Variants in LOC122539214 observed in about 807,000 individuals in gnomAD.
At chr19:52,687,920 A>C in the LOC122539214 span, among the ~76,000 whole-genome samples, 1 of 151,772 alleles carries the variant, frequency 6.6e-6, no homozygotes, top group Admixed American at 6.6e-5. Flanking sequence ...CCCTGGGAAA[A>C]GGGAAGAGAG....
At chr19:52,676,729 T>G in the LOC122539214 span, among the ~76,000 whole-genome samples, 9,540 of 138,334 alleles carry the variant, frequency 0.069, 1,032 homozygotes, top group African/African-American at 0.23. Context: ...ATGGTTGCCG[T>G]GTCTGTGTAG....
At chr19:52,654,074 C>T in the LOC122539214 span, 5 of 1,597,308 alleles carry the variant, frequency 3.1e-6, no homozygotes, top group Non-Finnish European at 3.4e-6. Flanking sequence ...TCAATTTTCC[C>T]TTCAGTCTGA....
the LOC122539214 span, among the ~76,000 whole-genome samples, chr19:52,689,453 T>G: frequency 1.3e-5 from 2 of 152,022 alleles, no homozygotes; most frequent in East Asian, 3.9e-4. Context: ...TCTCCCTCTG[T>G]TCTCCTTGCC....
At chr19:52,656,909 T>A in the LOC122539214 span, among the ~76,000 whole-genome samples, 1 of 150,586 alleles carries the variant, frequency 6.6e-6, no homozygotes, top group Non-Finnish European at 1.5e-5. Context: ...CCATTAATGC[T>A]CTCCTGGACA....
the LOC122539214 span, among the ~76,000 whole-genome samples, chr19:52,673,533 CAG>C: frequency 2.0e-5 from 3 of 151,736 alleles, no homozygotes; most frequent in African/African-American, 7.3e-5. Context: ...ATGCTATAAA[CAG>C]AACATCAGAA....
At chr19:52,685,112 T>C in the LOC122539214 span, among the ~76,000 whole-genome samples, 1 of 152,188 alleles carries the variant, frequency 6.6e-6, no homozygotes, top group African/African-American at 2.4e-5. Flanking sequence ...AAAATTCTAG[T>C]TACAACTGGG....
the LOC122539214 span, chr19:52,655,437 A>C: frequency 1.1e-6 from 1 of 928,108 alleles, no homozygotes; most frequent in Non-Finnish European, 1.7e-6. Flanking sequence ...TCATCACTGC[A>C]GAAAACAATG....
the LOC122539214 span, among the ~76,000 whole-genome samples, chr19:52,679,376 C>T: frequency 0.029 from 4,419 of 152,162 alleles, 202 homozygotes; most frequent in African/African-American, 0.1. Context: ...TTTGGGAAGC[C>T]AAGGTGGGTG....
At chr19:52,653,951 A>C in the LOC122539214 span, 1 of 1,220,388 alleles carries the variant, frequency 8.2e-7, no homozygotes, top group Non-Finnish European at 1.2e-6. Context: ...AATAATGAAG[A>C]ATGGAGAAAG....
At chr19:52,681,411 A>C in the LOC122539214 span, among the ~76,000 whole-genome samples, 1 of 152,164 alleles carries the variant, frequency 6.6e-6, no homozygotes, top group Non-Finnish European at 1.5e-5. Flanking sequence ...ACAAAGTCCA[A>C]TGAATTTGAT....
At chr19:52,657,842 T>C in the LOC122539214 span, among the ~76,000 whole-genome samples, 1 of 145,304 alleles carries the variant, frequency 6.9e-6, no homozygotes, top group African/African-American at 2.6e-5. Context: ...AGAAAAACTC[T>C]GTCTAAAAAA....
the LOC122539214 span, among the ~76,000 whole-genome samples, chr19:52,666,149 G>C: frequency 8.1e-6 from 1 of 123,728 alleles, no homozygotes; most frequent in Non-Finnish European, 1.6e-5. Flanking sequence ...GGGCAACAGA[G>C]CAAGACTCCA....
chr19:52,678,447 C>CT, the LOC122539214 span, among the ~76,000 whole-genome samples: 1 of 66,708 alleles, frequency 1.5e-5, no homozygotes, highest in African/African-American at 5.4e-5. Context: ...GAGACTTCAT[C>CT]TCAAAAAAAA....
chr19:52,652,867 A>G, the LOC122539214 span: 2 of 1,009,682 alleles, frequency 2.0e-6, no homozygotes, highest in Non-Finnish European at 1.6e-6. Context: ...CATATGACTG[A>G]AGGTCTTGCC....
the LOC122539214 span, among the ~76,000 whole-genome samples, chr19:52,674,965 C>T: frequency 6.6e-6 from 1 of 152,158 alleles, no homozygotes; most frequent in African/African-American, 2.4e-5. Flanking sequence ...AAGTGATCTA[C>T]CCACCTTGGG....
the LOC122539214 span, chr19:52,654,330 C>T: frequency 2.1e-6 from 3 of 1,419,840 alleles, no homozygotes; most frequent in Non-Finnish European, 2.0e-6. Context: ...TTTGCAATGT[C>T]CCTGTGTGGA....
the LOC122539214 span, among the ~76,000 whole-genome samples, chr19:52,688,950 GAAAAAAAAA>G: frequency 1.4e-4 from 18 of 126,804 alleles, no homozygotes; most frequent in African/African-American, 2.0e-4. Flanking sequence ...AAGGTTGAAG[GAAAAAAAAA>G]AAAAAAAAAA....
At chr19:52,686,089 G>A in the LOC122539214 span, among the ~76,000 whole-genome samples, 1 of 151,826 alleles carries the variant, frequency 6.6e-6, no homozygotes, top group Non-Finnish European at 1.5e-5. Flanking sequence ...TAGACTAACT[G>A]GTTAAACTGC....
the LOC122539214 span, among the ~76,000 whole-genome samples, chr19:52,661,824 G>A: frequency 6.6e-6 from 1 of 152,156 alleles, no homozygotes; most frequent in African/African-American, 2.4e-5. Flanking sequence ...GGGGCCTGTG[G>A]GAGATCACAA....
Sources: allele counts gnomAD v4.1 joint callset (sites outside exome capture counted in the v4.1 genomes callset), GRCh38; gene constraint gnomAD v4.1.1; transcripts MANE v1.5.